MRPS35: variants seen among roughly 807,000 people sequenced by gnomAD.
The protein encoded by MRPS35 is mitochondrial ribosomal protein S35, also known as small ribosomal subunit protein mS35.
A neutral mutation model predicts 32.7 loss-of-function variants in MRPS35; 29 were observed. That is an observed-to-expected ratio of 0.89 (90% CI 0.66 to 1.21). MRPS35 has a LOEUF of 1.21. Among genes scored for constraint, MRPS35 ranks in the 50% most tolerant of loss-of-function variants. MRPS35 has a pLI of 0.00. For missense variants in MRPS35, 373 were observed against 383.8 expected (o/e 0.97, Z 0.23); for synonymous variants, 148 against 139.3 (o/e 1.06, Z -0.44).
At chr12:27,738,702 G>A (rs1435092001) in intron 7 of MRPS35, among the ~76,000 whole-genome samples, 2 of 152,108 alleles carry the variant, frequency 1.3e-5, no homozygotes, top group Non-Finnish European at 2.9e-5. Flanking sequence ...AAGGAATAAA[G>A]TTAGCTGGAG....
At chr12:27,744,702 A>C (rs1332457858) in intron 7 of MRPS35, among the ~76,000 whole-genome samples, 1 of 152,218 alleles carries the variant, frequency 6.6e-6, no homozygotes, top group Non-Finnish European at 1.5e-5. Flanking sequence ...ACACACATGC[A>C]TTGAACTCCC....
chr12:27,730,881 T>C (rs2061919799), intron 5 of MRPS35, among the ~76,000 whole-genome samples: 1 of 152,170 alleles, frequency 6.6e-6, no homozygotes, highest in African/African-American at 2.4e-5. Flanking sequence ...CTCTACTCTT[T>C]AGAAGAAAGT....
At chr12:27,733,578 G>T (rs967310653) in intron 5 of MRPS35, among the ~76,000 whole-genome samples, 1 of 152,010 alleles carries the variant, frequency 6.6e-6, no homozygotes, top group African/African-American at 2.4e-5. Context: ...TTCTCTCCCT[G>T]TTCCCTCTTA....
intron 3 of MRPS35, among the ~76,000 whole-genome samples, chr12:27,718,437 A>T (rs1177551002): frequency 6.6e-6 from 1 of 152,210 alleles, no homozygotes; most frequent in Non-Finnish European, 1.5e-5. Flanking sequence ...TTATTTTCTG[A>T]TCAGCCCTCA....
intron 1 of MRPS35, 62 bp from the exon 2 acceptor site, chr12:27,714,718 T>C: frequency 8.0e-7 from 1 of 1,250,306 alleles, no homozygotes; most frequent in Non-Finnish European, 1.2e-6. Flanking sequence ...ATGATTGATG[T>C]TGAACAACTA....
chr12:27,754,353 T>C (rs539120592), intron 7 of MRPS35, among the ~76,000 whole-genome samples: 3 of 152,272 alleles, frequency 2.0e-5, no homozygotes, highest in South Asian at 4.1e-4. Flanking sequence ...AATAATTAAT[T>C]AGTCTTCCTC....
intron 7 of MRPS35, chr12:27,753,051 C>T (rs552825251): frequency 2.4e-4 from 36 of 152,254 alleles, no homozygotes; most frequent in African/African-American, 8.4e-4. Flanking sequence ...AGCCTAAAAC[C>T]TCCCGACCAG....
At chr12:27,734,598 T>C (rs1434762769) in intron 5 of MRPS35, among the ~76,000 whole-genome samples, 2 of 152,286 alleles carry the variant, frequency 1.3e-5, no homozygotes, top group African/African-American at 4.8e-5. Context: ...CATGCCCTTA[T>C]TCTCTGCAAA....
At chr12:27,716,603 G>T in intron 3 of MRPS35, 145 bp downstream of exon 3, 1 of 729,626 alleles carries the variant, frequency 1.4e-6, no homozygotes, top group South Asian at 2.1e-5. Flanking sequence ...TAATATAATA[G>T]GTTTATTATT....
At chr12:27,737,187 A>G (rs1048341067) in intron 6 of MRPS35, among the ~76,000 whole-genome samples, 1 of 152,168 alleles carries the variant, frequency 6.6e-6, no homozygotes. Context: ...TTTTAGATGA[A>G]CTCATCAGAT....
At chr12:27,754,319 G>A (rs2062017813) in intron 7 of MRPS35, among the ~76,000 whole-genome samples, 2 of 151,988 alleles carry the variant, frequency 1.3e-5, no homozygotes, top group Admixed American at 1.3e-4. Context: ...CGTATTATGT[G>A]CATCATATTC....
intron 5 of MRPS35, chr12:27,725,596 TC>T (rs1291200266): frequency 3.9e-6 from 1 of 258,654 alleles, no homozygotes; most frequent in South Asian, 4.5e-5. Flanking sequence ...AAAAATATAA[TC>T]CCAGCAGAAT....
At chr12:27,754,157 G>C (rs1309160476) in intron 7 of MRPS35, among the ~76,000 whole-genome samples, 1 of 152,134 alleles carries the variant, frequency 6.6e-6, no homozygotes. Flanking sequence ...AGGAGGCTGA[G>C]GCAAGAGAAT....
In MRPS35 at chr12:27,733,275, T is replaced by TA. The variant is rs201931138; in HGVS notation, c.523-2172_523-2171insA. On this transcript the variant is annotated intron_variant, in intron 5 of 7. Transcript: ENST00000081029. ...TGGCGTGAGTGCACCACACAACTGT[T>TA]CCTGAAATATTTATGATTTTTGGCA... 5.9e-3 allele frequency among the ~76,000 whole-genome samples: 898 copies of TA among 152,148 alleles called. 9 individuals are homozygous for TA. Among genetic ancestry groups the TA allele is most frequent in the African/African-American group, 0.02 (814 of 41,520 alleles).
chr12:27,720,705 CAG>C (rs1310287106), intron 4 of MRPS35, among the ~76,000 whole-genome samples: 1 of 151,848 alleles, frequency 6.6e-6, no homozygotes, highest in East Asian at 1.9e-4. Context: ...TATAAAATAA[CAG>C]AAGTAATCAC....
chr12:27,711,917 A>G (rs147488224), intron 1 of MRPS35, among the ~76,000 whole-genome samples: 5 of 118,538 alleles, frequency 4.2e-5, no homozygotes, highest in Admixed American at 3.1e-4. Context: ...CTTAACTCCT[A>G]TTGTATACCA....
chr12:27,742,615 T>C (rs1418956211), intron 7 of MRPS35, among the ~76,000 whole-genome samples: 1 of 152,068 alleles, frequency 6.6e-6, no homozygotes, highest in African/African-American at 2.4e-5. Flanking sequence ...GGCAGAAGTT[T>C]GGTGTAGCCA....
intron 1 of MRPS35, 145 bp downstream of exon 1, chr12:27,711,100 C>A: frequency 1.4e-6 from 1 of 735,812 alleles, no homozygotes; most frequent in Non-Finnish European, 2.3e-6. Flanking sequence ...GTAGGAAAAC[C>A]ATGGACGTGG....
In MRPS35 at chr12:27,710,934, C is replaced by A; in HGVS notation, c.91C>A (p.Pro31Thr). 1 of 1,613,226 alleles carries A rather than the reference C, an allele frequency of 6.2e-7. No individual in the cohort carries two copies. The highest frequency in any genetic ancestry group is 8.5e-7 in the Non-Finnish European group (1 of 1,179,840). ...AFSTAVYSATPVPTPSLPERT... is the reference protein window; with the variant it reads ...AFSTAVYSATTVPTPSLPERT... ...CTCCACTGCCGTCTACTCGGCCACT[C>A]CGGTCCCGACACCTAGCCTGCGTGA... The change falls in exon 1 of 8, where the codon CCG (proline) becomes ACG (threonine). Residue 31 changes from proline to threonine, a missense_variant. Pro to Thr is a conservative substitution (Grantham distance 38). Coordinates refer to ENST00000081029, the MANE Select transcript of MRPS35 (RefSeq NM_021821.4).
Sources: allele counts gnomAD v4.1 joint callset (sites outside exome capture counted in the v4.1 genomes callset), GRCh38; gene constraint gnomAD v4.1.1; transcripts MANE v1.5; gene names NCBI Gene and HGNC (gene_info 2026-07-23, HGNC 2026-07-21).